The following SEPTIN7 variants were observed in gnomAD, a reference collection of about 807,000 sequenced individuals.
SEPTIN7 encodes the protein septin-7.
A neutral mutation model predicts 63.3 loss-of-function variants in SEPTIN7; 10 were observed. The ratio of observed to expected loss-of-function variants is 0.16; its 90% CI spans 0.10 to 0.27. The LOEUF is 0.27. Ranked by LOEUF, SEPTIN7 falls within the 10% of genes least tolerant of loss-of-function variation. The probability of loss-of-function intolerance (pLI) is 1.00; values close to 1 mark genes in which losing one functional copy is unlikely to be tolerated. For missense variants in SEPTIN7, 310 were observed against 521.0 expected (o/e 0.59, Z 3.94); for synonymous variants, 131 against 165.3 (o/e 0.79, Z 1.59).
At chr7:35,841,339 T>TA (rs1289363543) in intron 3 of SEPTIN7, among the ~76,000 whole-genome samples, 1 of 152,206 alleles carries the variant, frequency 6.6e-6, no homozygotes, top group African/African-American at 2.4e-5. Flanking sequence ...TAAAAAGTCA[T>TA]CAGTGTGATT....
intron 1 of SEPTIN7, among the ~76,000 whole-genome samples, chr7:35,807,531 A>T (rs1788430411): frequency 6.6e-6 from 1 of 151,440 alleles, no homozygotes; most frequent in African/African-American, 2.4e-5. Context: ...CGCCCGGCTA[A>T]TTTTTGTATT....
At chr7:35,852,407 T>C (rs898752913) in intron 3 of SEPTIN7, among the ~76,000 whole-genome samples, 3 of 150,810 alleles carry the variant, frequency 2.0e-5, no homozygotes, top group African/African-American at 4.9e-5. Flanking sequence ...TTGGTACTTT[T>C]GAAAAAAAAA....
intron 6 of SEPTIN7, among the ~76,000 whole-genome samples, chr7:35,876,567 A>G (rs1358170875): frequency 2.6e-5 from 4 of 152,248 alleles, no homozygotes; most frequent in African/African-American, 7.2e-5. Context: ...GCCAGATGCA[A>G]TGGCTTACGC....
At chr7:35,863,181 G>T (rs1785606030) in intron 3 of SEPTIN7, among the ~76,000 whole-genome samples, 1 of 151,978 alleles carries the variant, frequency 6.6e-6, no homozygotes, top group Admixed American at 6.6e-5. Flanking sequence ...ATTCATTATT[G>T]TCTATTAGTA....
intron 13 of SEPTIN7, among the ~76,000 whole-genome samples, 156 bp downstream of exon 13, chr7:35,903,371 T>C (rs1788434189): frequency 2.0e-5 from 3 of 150,186 alleles, no homozygotes; most frequent in African/African-American, 7.3e-5. Context: ...TATTTTTATA[T>C]GGATGGATAC....
intron 2 of SEPTIN7, chr7:35,831,847 A>G (rs1220549981): frequency 1.1e-5 from 3 of 281,622 alleles, no homozygotes; most frequent in Non-Finnish European, 2.1e-5. Context: ...AATGTATTGA[A>G]TTGATGTTTT....
intron 3 of SEPTIN7, among the ~76,000 whole-genome samples, chr7:35,842,541 T>C (rs1784458771): frequency 2.0e-5 from 3 of 152,206 alleles, no homozygotes; most frequent in Admixed American, 6.5e-5. Flanking sequence ...CCAAACTTTC[T>C]GAAATATAAT....
At chr7:35,815,595 A>AC (rs774984372) in intron 1 of SEPTIN7, among the ~76,000 whole-genome samples, 2 of 152,196 alleles carry the variant, frequency 1.3e-5, no homozygotes, top group Non-Finnish European at 2.9e-5. Context: ...TAATATGCTT[A>AC]CTTGCTAGAG....
chr7:35,864,893 G>A (rs1283720437), intron 4 of SEPTIN7, among the ~76,000 whole-genome samples: 3 of 151,966 alleles, frequency 2.0e-5, no homozygotes, highest in South Asian at 2.1e-4. Context: ...CAGGATGGAG[G>A]GACAGTCTGT....
At chr7:35,887,814 A>T (rs990261352) in intron 10 of SEPTIN7, among the ~76,000 whole-genome samples, 4 of 152,274 alleles carry the variant, frequency 2.6e-5, no homozygotes, top group African/African-American at 4.8e-5. Flanking sequence ...TATTAAAAAG[A>T]TGTGTATTTA....
downstream of SEPTIN7, among the ~76,000 whole-genome samples, chr7:35,910,741 A>G (rs773001320): frequency 6.6e-6 from 1 of 152,238 alleles, no homozygotes; most frequent in Admixed American, 6.5e-5. Flanking sequence ...ATACAACTGA[A>G]TCTAGCATTA....
At chr7:35,849,406 T>C (rs1784846180) in intron 3 of SEPTIN7, among the ~76,000 whole-genome samples, 1 of 152,086 alleles carries the variant, frequency 6.6e-6, no homozygotes, top group African/African-American at 2.4e-5. Flanking sequence ...ACATGTGCAG[T>C]GTGCAATAGG....
At chr7:35,874,957 G>A (rs1165516828) in intron 6 of SEPTIN7, among the ~76,000 whole-genome samples, 25 of 152,124 alleles carry the variant, frequency 1.6e-4, no homozygotes, top group Admixed American at 7.2e-4. Context: ...AGTCATTCTC[G>A]TTTAACTTGT....
intron 1 of SEPTIN7, among the ~76,000 whole-genome samples, chr7:35,805,933 C>CA: frequency 6.6e-6 from 1 of 152,280 alleles, no homozygotes; most frequent in East Asian, 1.9e-4. Flanking sequence ...GGCTCCAGGT[C>CA]AGAGTTTCTC....
At chr7:35,853,120 T>C (rs554117428) in intron 3 of SEPTIN7, among the ~76,000 whole-genome samples, 28 of 152,272 alleles carry the variant, frequency 1.8e-4, no homozygotes, top group Non-Finnish European at 3.2e-4. Flanking sequence ...ACTTTTCCAT[T>C]TGAAGCTCAT....
intron 4 of SEPTIN7, among the ~76,000 whole-genome samples, chr7:35,867,871 GTT>G (rs1327560972): frequency 1.4e-5 from 2 of 144,340 alleles, no homozygotes. Context: ...TCCATGAAGT[GTT>G]TTTTTTTTTT....
chr7:35,874,439 T>C (rs13232794), intron 6 of SEPTIN7, among the ~76,000 whole-genome samples: 53,510 of 151,932 alleles, frequency 0.35, 9,877 homozygotes, highest in East Asian at 0.48. Context: ...ATATATGTGT[T>C]ATTGACAACT....
chr7:35,807,456 C>G (rs1358710834), intron 1 of SEPTIN7, among the ~76,000 whole-genome samples: 1 of 150,974 alleles, frequency 6.6e-6, no homozygotes, highest in Non-Finnish European at 1.5e-5. Flanking sequence ...GGTCTGCCTC[C>G]CGGGTTCACA....
intron 9 of SEPTIN7, among the ~76,000 whole-genome samples, chr7:35,884,752 G>A (rs1230458202): frequency 2.0e-5 from 3 of 152,048 alleles, no homozygotes; most frequent in Non-Finnish European, 4.4e-5. Flanking sequence ...AAAAAATTTC[G>A]TTAATAAGAG....
Sources: gnomAD v4.1 joint callset for allele counts (sites outside exome capture counted in the v4.1 genomes callset) on GRCh38, gnomAD v4.1.1 for gene constraint, MANE v1.5 for transcripts, NCBI Gene and HGNC (gene_info 2026-07-23, HGNC 2026-07-21) for gene names.